Variants in SH3GLB2 observed in about 807,000 individuals in gnomAD.
SH3GLB2 encodes the protein endophilin-B2.
SH3GLB2 carries 24 observed loss-of-function variants against 48.0 expected under a neutral mutation model. The observed-to-expected ratio is 0.50, with a 90% CI of 0.36 to 0.70. The LOEUF (loss-of-function observed/expected upper bound fraction) is 0.70, where lower values mean the gene tolerates loss of function less well. SH3GLB2 is among the 30% of genes least tolerant of loss of function. SH3GLB2 has a pLI of 0.00. For missense variants in SH3GLB2, 425 were observed against 516.0 expected, an observed-to-expected ratio of 0.82 and a Z score of 1.71; for synonymous variants, 227 against 207.6, an observed-to-expected ratio of 1.09 and a Z score of -0.80.
intron 3 of SH3GLB2, among the ~76,000 whole-genome samples, chr9:129,017,183 CA>C (rs1377476850): frequency 6.6e-6 from 1 of 151,994 alleles, no homozygotes; most frequent in Non-Finnish European, 1.5e-5. Context: ...CTCCTGACCT[CA>C]GGTGATCCAA....
chr9:129,014,304 G>C lies in SH3GLB2; in HGVS notation c.561+107C>G. 2 of 1,039,522 alleles carry C rather than the reference G, an allele frequency of 1.9e-6. No homozygotes were observed. Among genetic ancestry groups the C allele is most frequent in the South Asian group, 2.9e-5 (2 of 69,402 alleles). The allele number at this position is 1,039,522 out of a possible 1,614,324, so 64.4% of individuals were successfully genotyped here. ...CCCCCAGCCAGGCATCTCCAGCCAG[G>C]GAGAGGGGAGAGAGGTCATGCCAAA... On this transcript the variant is annotated intron_variant, in intron 5 of 10. Coordinates refer to ENST00000372564, the MANE Select transcript of SH3GLB2 (RefSeq NM_020145.4). This position sits in a 1 kb window ranked among gnomAD's most constrained non-coding sequence, Gnocchi z 4.1.
Position 129,009,850 on chromosome 9 carries a change from G to A in SH3GLB2, c.760C>T (p.His254Tyr). ...STHVNHLRCL[H>Y]EFVKSQTTYY... is the part of the protein sequence containing the mutation. Reference sequence around the variant, plus strand: ...GTTGTCTGAGACTTGACGAACTCGTGGAGGCAGCGCAGGTGGTTCACCTGC... The same window carrying A: ...GTTGTCTGAGACTTGACGAACTCGTAGAGGCAGCGCAGGTGGTTCACCTGC... Residue 254 changes from histidine to tyrosine, a missense_variant, in exon 9 of 11, where the codon CAC (histidine) becomes TAC (tyrosine). Physicochemically the swap from His to Tyr is moderately conservative, Grantham distance 83. Transcript: ENST00000372564. 1.9e-6 allele frequency: 3 copies of A among 1,613,908 alleles called. No homozygotes were observed. Among genetic ancestry groups the A allele is most frequent in the Non-Finnish European group, 2.5e-6 (3 of 1,179,906 alleles).
At chr9:129,020,759 A>T (rs1843739082) in intron 3 of SH3GLB2, among the ~76,000 whole-genome samples, 1 of 151,578 alleles carries the variant, frequency 6.6e-6, no homozygotes, top group Non-Finnish European at 1.5e-5. Flanking sequence ...AGTCCCAGCT[A>T]CTTGGGAGGC....
At chr9:129,021,243 C>T (rs1415355623) in intron 2 of SH3GLB2, 24 bp from the exon 3 acceptor site, 1 of 1,587,570 alleles carries the variant, frequency 6.3e-7, no homozygotes, top group Admixed American at 1.8e-5. Flanking sequence ...GCAGCCAAAG[C>T]CACAGGGCTC....
intron 2 of SH3GLB2, among the ~76,000 whole-genome samples, chr9:129,021,463 C>A (rs1003705373): frequency 6.6e-6 from 1 of 152,176 alleles, no homozygotes; most frequent in Non-Finnish European, 1.5e-5. Flanking sequence ...CATGCTTGCA[C>A]AATTCTCTGC....
rs763737426 is a variant in SH3GLB2, at chr9:129,009,121, G to A, written c.1065C>T (p.Ala355=). The A allele has an allele frequency of 3.1e-6, 5 of 1,609,236 alleles. No homozygotes were observed. In the South Asian group the frequency reaches 4.4e-5, roughly 14 times the overall value. ...CCGGGCCCACCTCATCAGCCAGCAG[G>A]GCCAGCTCACTGCTGTCGGCTGCCT... The part of the protein sequence containing the change: ...DYEAADSSEL[A]LLADELITVY... Residue 355 remains alanine, a synonymous_variant, in exon 10 of 11, where the codon GCC becomes GCT. Transcript: ENST00000372564.
intron 5 of SH3GLB2, chr9:129,012,882 G>C: frequency 8.2e-7 from 1 of 1,226,658 alleles, no homozygotes; most frequent in Non-Finnish European, 1.2e-6. Context: ...GCACAGTAGA[G>C]GCTCTGGCGG....
Position 129,008,513 on chromosome 9 carries a change from G to A in SH3GLB2, c.*171C>T, listed in dbSNP as rs1360148567. 5.1e-6 allele frequency: 3 copies of A among 593,662 alleles called. No individual in the cohort carries two copies. 36.8% of individuals were successfully genotyped at this position (593,662 alleles called of 1,614,324 possible). On this transcript the variant is annotated 3_prime_UTR_variant, in exon 11 of 11. Coordinates refer to ENST00000372564, the MANE Select transcript of SH3GLB2 (RefSeq NM_020145.4). Reference sequence around the variant, plus strand: ...CAGAAGCAGGGCTGGGGGAGGGGTGGAGCCATTCAGCCTCAGGCACCCTCA... The same window carrying A: ...CAGAAGCAGGGCTGGGGGAGGGGTGAAGCCATTCAGCCTCAGGCACCCTCA...
In SH3GLB2 at chr9:129,026,315, C is replaced by T. The variant is rs137959720; in HGVS notation, c.63+1777G>A. 3.9e-5 allele frequency among the ~76,000 whole-genome samples: 6 copies of T among 152,316 alleles called. No individual in the cohort carries two copies. The East Asian group carries it at 1.2e-3, about 29-fold the overall frequency. ...CATAAAGAACCCCTCTCCCATCCCT[C>T]CTGACTGTCTCCCATCCAGGCCAGC... On this transcript the variant is annotated intron_variant, in intron 1 of 10. Transcript: ENST00000372564.
At chr9:129,023,285 G>A (rs559496991) in intron 1 of SH3GLB2, among the ~76,000 whole-genome samples, 2 of 152,278 alleles carry the variant, frequency 1.3e-5, no homozygotes, top group East Asian at 3.9e-4. Flanking sequence ...GGGCCCGGAT[G>A]TCGCATGGGT....
intron 3 of SH3GLB2, among the ~76,000 whole-genome samples, chr9:129,017,899 AAC>A (rs1843531979): frequency 2.7e-5 from 4 of 149,300 alleles, no homozygotes; most frequent in African/African-American, 7.5e-5. Flanking sequence ...TTCCGTCTCA[AAC>A]AAAAAAAAAA....
At chr9:129,010,430 T>C in intron 7 of SH3GLB2, 1 of 638,358 alleles carries the variant, frequency 1.6e-6, no homozygotes. Context: ...CCTTCCTCCA[T>C]CACCCATCGG....
rs1233618576 is a variant in SH3GLB2 at position 129,018,576 on chromosome 9, C to CA, written c.334+2514dup. ...TAGGTGACAGAGAGAGACTCCGTCT[C>CA]AAAAAAAAAAAAAAGAGTTAAGTTA... On this transcript the variant is annotated intron_variant, in intron 3 of 10. Transcript: ENST00000372564. Among the ~76,000 whole-genome samples, 973 of 101,488 alleles carry CA rather than the reference C, an allele frequency of 9.6e-3. 22 individuals are homozygous for CA. Among genetic ancestry groups the CA allele is most frequent in the Admixed American group, 0.072 (643 of 8,906 alleles). 66.6% of individuals were successfully genotyped at this position (101,488 alleles called of 152,430 possible).
At chr9:129,016,760 A>C (rs1284138383) in intron 3 of SH3GLB2, among the ~76,000 whole-genome samples, 1 of 152,186 alleles carries the variant, frequency 6.6e-6, no homozygotes, top group African/African-American at 2.4e-5. Context: ...TACCAGACAA[A>C]ATAGACTTTA....
At chr9:129,027,450 G>T (rs1312187382) in intron 1 of SH3GLB2, among the ~76,000 whole-genome samples, 2 of 152,126 alleles carry the variant, frequency 1.3e-5, no homozygotes, top group Admixed American at 6.5e-5. Flanking sequence ...GTTACTCTCT[G>T]CCCCTAAACG....
At chr9:129,015,286 C>T (rs1387618331) in intron 3 of SH3GLB2, among the ~76,000 whole-genome samples, 6 of 152,084 alleles carry the variant, frequency 3.9e-5, no homozygotes, top group Admixed American at 2.6e-4. Flanking sequence ...CACTTGAGCT[C>T]GGCAGTTCCA....
rs780896652 is a variant in SH3GLB2, at chr9:129,010,654, C to A, written c.648+16G>T. ...CCCCTTCTTCCTCGAGCCCAGCCCC[C>A]CAGGCCCCAACTTACCTTGTCCACT... is the stretch of plus-strand genomic sequence containing the variant. On this transcript the variant is annotated intron_variant, in intron 7 of 10. Coordinates refer to ENST00000372564, the MANE Select transcript of SH3GLB2 (RefSeq NM_020145.4). 5.3e-5 allele frequency: 86 copies of A among 1,613,888 alleles called. No individual in the cohort carries two copies. The highest frequency in any genetic ancestry group is 6.8e-5 in the Non-Finnish European group (80 of 1,179,966).
intron 3 of SH3GLB2, chr9:129,015,724 G>A (rs1843380763): frequency 5.5e-6 from 1 of 182,094 alleles, no homozygotes; most frequent in African/African-American, 2.4e-5. Context: ...AAGAGGCTGG[G>A]CGCGCTGGCT....
chr9:129,028,200 G>C lies in SH3GLB2; in HGVS notation c.-46C>G. 1 of 1,193,210 alleles carries C rather than the reference G, an allele frequency of 8.4e-7. No individual in the cohort carries two copies. The allele number at this position is 1,193,210 out of a possible 1,614,324, so 73.9% of individuals were successfully genotyped here. On this transcript the variant is annotated 5_prime_UTR_variant, in exon 1 of 11. Transcript: ENST00000372564. ...GCGCACGGCCCGAGCGCAGCCGGCAGCCCCCGGCCCAGCCGCCGCCGCCAA... is the reference window on the plus strand; with the variant it reads ...GCGCACGGCCCGAGCGCAGCCGGCACCCCCCGGCCCAGCCGCCGCCGCCAA...
Sources: gnomAD v4.1 joint callset for allele counts (sites outside exome capture counted in the v4.1 genomes callset) on GRCh38, gnomAD v4.1.1 for gene constraint, Gnocchi (gnomAD v3.1) non-coding constraint, MANE v1.5 for transcripts, NCBI Gene and HGNC (gene_info 2026-07-23, HGNC 2026-07-21) for gene names.